Variants in SLIT3 observed in about 807,000 individuals in gnomAD.
SLIT3 encodes the protein slit homolog 3 protein.
In SLIT3, 68 loss-of-function variants were observed where a neutral mutation model predicts 184.0. That is an observed-to-expected ratio of 0.37 (90% CI 0.30 to 0.45). SLIT3 has a LOEUF of 0.45. Among genes scored for constraint, SLIT3 ranks in the 20% least tolerant of loss-of-function variants. The pLI is 1.00. For missense variants in SLIT3, 1,707 were observed against 2,026.0 expected (o/e 0.84, Z 3.02); for synonymous variants, 831 against 828.6 (o/e 1.00, Z -0.05).
At position 168,975,376 on chromosome 5, in the gene SLIT3, C is replaced by T. The variant is rs191644213; in HGVS notation, c.414-92040G>A. On this transcript the variant is annotated intron_variant, in intron 4 of 35. Transcript: ENST00000519560. ...GCATACATCATCAGGGCCAGTCTCACGTATGCTGTCCTGTTCTGGACCATG... is the reference window on the plus strand; with the variant it reads ...GCATACATCATCAGGGCCAGTCTCATGTATGCTGTCCTGTTCTGGACCATG... Among the ~76,000 whole-genome samples the T allele has an allele frequency of 5.5e-4, 84 of 152,292 alleles. 1 individual carries two copies. The highest frequency in any genetic ancestry group is 3.1e-3 in the South Asian group (15 of 4,822).
chr5:169,250,680 G>A (rs1232967077), intron 2 of SLIT3, among the ~76,000 whole-genome samples: 1 of 152,208 alleles, frequency 6.6e-6, no homozygotes, highest in Non-Finnish European at 1.5e-5. Flanking sequence ...GGCCCAGTCT[G>A]TACTTCTTGC....
intron 4 of SLIT3, among the ~76,000 whole-genome samples, chr5:169,179,276 C>CTT (rs370270230): frequency 0.25 from 31,786 of 124,810 alleles, 5,101 homozygotes; most frequent in Middle Eastern, 0.4. Context: ...ATTCCTTTTT[C>CTT]TTTTTTTTTT....
At chr5:169,082,746 G>A (rs939543064) in intron 4 of SLIT3, among the ~76,000 whole-genome samples, 1 of 152,220 alleles carries the variant, frequency 6.6e-6, no homozygotes, top group Non-Finnish European at 1.5e-5. Context: ...AAGATGTGAT[G>A]TTGTTTAATA....
At chr5:169,172,399 C>T (rs1406989063) in intron 4 of SLIT3, among the ~76,000 whole-genome samples, 1 of 152,168 alleles carries the variant, frequency 6.6e-6, no homozygotes, top group East Asian at 1.9e-4. Context: ...CAAATGCATC[C>T]AAAACACAGT....
intron 1 of SLIT3, 48 bp from the exon 2 acceptor site, chr5:169,251,507 C>T (rs367773936): frequency 9.9e-5 from 127 of 1,285,518 alleles, no homozygotes; most frequent in East Asian, 6.7e-4. Flanking sequence ...GTTACAATTA[C>T]GGTCTATTTA....
At chr5:169,290,736 A>AGGCATATGCTAGGGCACACGCTAT (rs1277461562) in intron 1 of SLIT3, among the ~76,000 whole-genome samples, 1 of 116,196 alleles carries the variant, frequency 8.6e-6, no homozygotes, top group Non-Finnish European at 1.8e-5. Flanking sequence ...GCACACGCTA[A>AGGCATATGCTAGGGCACACGCTAT]GGCACACACT....
chr5:168,910,826 T>C (rs1209390378), intron 4 of SLIT3, among the ~76,000 whole-genome samples: 1 of 152,082 alleles, frequency 6.6e-6, no homozygotes, highest in African/African-American at 2.4e-5. Flanking sequence ...TCTGTATGCT[T>C]GATCAGAATG....
intron 1 of SLIT3, among the ~76,000 whole-genome samples, chr5:169,290,772 T>G (rs1227886579): frequency 1.8e-4 from 18 of 100,422 alleles, no homozygotes; most frequent in East Asian, 9.9e-4. Context: ...GCACATGCTA[T>G]GGCAACCACT....
intron 18 of SLIT3, among the ~76,000 whole-genome samples, chr5:168,750,018 C>G (rs1172417043): frequency 6.6e-6 from 1 of 152,144 alleles, no homozygotes; most frequent in African/African-American, 2.4e-5. Flanking sequence ...ATCAAGGAAG[C>G]CTTCTCTGAG....
intron 3 of SLIT3, among the ~76,000 whole-genome samples, chr5:169,205,833 A>G (rs1764049675): frequency 1.3e-5 from 2 of 152,254 alleles, no homozygotes; most frequent in African/African-American, 4.8e-5. Context: ...AACAGTCACA[A>G]TCACAGTAGC....
At chr5:168,905,043 A>G (rs895311653) in intron 4 of SLIT3, among the ~76,000 whole-genome samples, 1 of 152,046 alleles carries the variant, frequency 6.6e-6, no homozygotes, top group Non-Finnish European at 1.5e-5. Context: ...TGGGCGTGGC[A>G]GCGTGCACCT....
intron 3 of SLIT3, among the ~76,000 whole-genome samples, chr5:169,205,072 A>G (rs1304089129): frequency 6.6e-6 from 1 of 152,214 alleles, no homozygotes; most frequent in Non-Finnish European, 1.5e-5. Flanking sequence ...GAGAGCAATT[A>G]TGAAAATGAG....
At chr5:169,015,521 G>A (rs889832084) in intron 4 of SLIT3, among the ~76,000 whole-genome samples, 1 of 152,216 alleles carries the variant, frequency 6.6e-6, no homozygotes, top group Non-Finnish European at 1.5e-5. Flanking sequence ...CCATAGCTGT[G>A]TAACTTTGCA....
At chr5:168,730,346 C>G (rs753276519) in intron 20 of SLIT3, among the ~76,000 whole-genome samples, 1 of 152,014 alleles carries the variant, frequency 6.6e-6, no homozygotes, top group African/African-American at 2.4e-5. Context: ...CAAAGAAACA[C>G]TGGACTTAAA....
intron 4 of SLIT3, among the ~76,000 whole-genome samples, chr5:169,160,201 C>T (rs1762433970): frequency 6.6e-6 from 1 of 152,172 alleles, no homozygotes; most frequent in Non-Finnish European, 1.5e-5. Flanking sequence ...ATCACTGTGC[C>T]ATGCCATTCA....
chr5:169,129,407 C>A (rs1168830419), intron 4 of SLIT3, among the ~76,000 whole-genome samples: 1 of 151,990 alleles, frequency 6.6e-6, no homozygotes, highest in Non-Finnish European at 1.5e-5. Context: ...CAAAAATAAG[C>A]CGGATGTGGT....
intron 20 of SLIT3, among the ~76,000 whole-genome samples, chr5:168,726,167 A>G (rs889374334): frequency 1.3e-5 from 2 of 151,992 alleles, no homozygotes; most frequent in African/African-American, 4.8e-5. Flanking sequence ...AGTCATGCAC[A>G]TGCTTAGATT....
At chr5:169,042,138 G>A (rs893476700) in intron 4 of SLIT3, among the ~76,000 whole-genome samples, 1 of 152,122 alleles carries the variant, frequency 6.6e-6, no homozygotes, top group African/African-American at 2.4e-5. Flanking sequence ...GTTCATAAGG[G>A]CCTACTGGAG....
intron 4 of SLIT3, among the ~76,000 whole-genome samples, chr5:169,003,350 G>A (rs991785186): frequency 4.6e-5 from 7 of 152,202 alleles, no homozygotes; most frequent in Non-Finnish European, 1.0e-4. Flanking sequence ...ATGTGGCCTT[G>A]AAGTCCTACT....
Sources: gnomAD v4.1 joint callset for allele counts (sites outside exome capture counted in the v4.1 genomes callset) on GRCh38, gnomAD v4.1.1 for gene constraint, MANE v1.5 for transcripts, NCBI Gene and HGNC (gene_info 2026-07-23, HGNC 2026-07-21) for gene names.